The following ZC3H3 variants were observed in gnomAD, a reference collection of about 807,000 sequenced individuals.
The protein encoded by ZC3H3 is zinc finger CCCH domain-containing protein 3.
A neutral mutation model predicts 77.3 loss-of-function variants in ZC3H3; 36 were observed. The ratio of observed to expected loss-of-function variants is 0.47; its 90% CI spans 0.36 to 0.61. The LOEUF (loss-of-function observed/expected upper bound fraction) is 0.61, where lower values mean the gene tolerates loss of function less well. ZC3H3 is among the 20% of genes least tolerant of loss of function. ZC3H3 has a pLI of 0.00. For missense variants in ZC3H3, 1,331 were observed against 1,312.2 expected, an observed-to-expected ratio of 1.01 and a Z score of -0.22; for synonymous variants, 626 against 555.2, an observed-to-expected ratio of 1.13 and a Z score of -1.79.
At chr8:143,475,298 C>T in intron 5 of ZC3H3, 100 bp downstream of exon 5, 1 of 1,385,110 alleles carries the variant, frequency 7.2e-7, no homozygotes, top group Non-Finnish European at 9.6e-7. Flanking sequence ...AGGCCCAGAG[C>T]AGCCACAGCA....
intron 11 of ZC3H3, among the ~76,000 whole-genome samples, chr8:143,438,583 C>T (rs1819644196): frequency 1.3e-5 from 2 of 152,098 alleles, no homozygotes; most frequent in South Asian, 2.1e-4. Flanking sequence ...CAGGGTGAGG[C>T]GGGCAGGGCC....
intron 3 of ZC3H3, among the ~76,000 whole-genome samples, chr8:143,528,581 T>C (rs928157264): frequency 2.4e-4 from 37 of 152,182 alleles, no homozygotes; most frequent in African/African-American, 8.9e-4. Context: ...CTGGTGGCAC[T>C]CTGCCCACTT....
At chr8:143,439,187 A>G (rs1302517271) in intron 11 of ZC3H3, among the ~76,000 whole-genome samples, 1 of 150,230 alleles carries the variant, frequency 6.7e-6, no homozygotes, top group African/African-American at 2.5e-5. Context: ...AGATGGAGGG[A>G]GCGGGTGCCC....
At chr8:143,509,948 C>T (rs1360795112) in intron 3 of ZC3H3, among the ~76,000 whole-genome samples, 1 of 152,210 alleles carries the variant, frequency 6.6e-6, no homozygotes, top group Non-Finnish European at 1.5e-5. Flanking sequence ...CATGCCAAGT[C>T]CTCTAGGAAT....
rs556335603 is a variant in ZC3H3 at position 143,500,093 on chromosome 8, C to A, written c.1715+7653G>T. 4.0e-4 allele frequency among the ~76,000 whole-genome samples: 61 copies of A among 152,362 alleles called. 1 individual carries two copies. Among genetic ancestry groups the A allele is most frequent in the South Asian group, 1.4e-3 (7 of 4,834 alleles). ...GTATGGCCATGCTGGCCTCTCAACC[C>A]CCCACAGGCCCCTGCCCTCAAAGGG... On this transcript the variant is annotated intron_variant, in intron 4 of 11. Transcript: ENST00000262577.
intron 8 of ZC3H3, 121 bp downstream of exon 8, chr8:143,468,088 A>T: frequency 8.1e-7 from 1 of 1,233,708 alleles, no homozygotes; most frequent in Non-Finnish European, 1.1e-6. Flanking sequence ...TAAGGACGCC[A>T]GGGCAGGGAT....
intron 5 of ZC3H3, among the ~76,000 whole-genome samples, chr8:143,472,937 C>G (rs1215372386): frequency 3.3e-5 from 5 of 152,216 alleles, no homozygotes. Flanking sequence ...GGGATGGGCT[C>G]TGGCTCTGGA....
chr8:143,510,158 A>C (rs1332579501), intron 3 of ZC3H3, among the ~76,000 whole-genome samples: 1 of 152,212 alleles, frequency 6.6e-6, no homozygotes, highest in Non-Finnish European at 1.5e-5. Context: ...CCTGAAAACC[A>C]CACGGTAATA....
intron 9 of ZC3H3, among the ~76,000 whole-genome samples, chr8:143,456,791 T>G (rs1275054969): frequency 6.6e-6 from 1 of 152,112 alleles, no homozygotes; most frequent in Non-Finnish European, 1.5e-5. Flanking sequence ...TCGCTGGAGC[T>G]CAGGAGTTTG....
At chr8:143,461,396 G>A (rs1294068128) in intron 9 of ZC3H3, among the ~76,000 whole-genome samples, 1 of 152,148 alleles carries the variant, frequency 6.6e-6, no homozygotes, top group Non-Finnish European at 1.5e-5. Flanking sequence ...CTTGCTCGCT[G>A]CCGGCAGGAG....
intron 5 of ZC3H3, among the ~76,000 whole-genome samples, chr8:143,473,849 G>A (rs1487987067): frequency 6.6e-6 from 1 of 152,206 alleles, no homozygotes; most frequent in Non-Finnish European, 1.5e-5. Context: ...CCTGGGACCT[G>A]CTGTGCCAGA....
intron 9 of ZC3H3, among the ~76,000 whole-genome samples, chr8:143,465,179 G>GC (rs1433744607): frequency 6.6e-6 from 1 of 152,110 alleles, no homozygotes; most frequent in Non-Finnish European, 1.5e-5. Flanking sequence ...CAGCAGTGGT[G>GC]CCCCGCAATG....
chr8:143,442,407 G>A (rs1242678174), intron 9 of ZC3H3, among the ~76,000 whole-genome samples: 2 of 119,976 alleles, frequency 1.7e-5, no homozygotes, highest in African/African-American at 3.1e-5. Context: ...GGCCGGGGGG[G>A]GTGGGGGGGC....
At chr8:143,505,683 C>A (rs1655173626) in intron 4 of ZC3H3, among the ~76,000 whole-genome samples, 1 of 152,222 alleles carries the variant, frequency 6.6e-6, no homozygotes. Context: ...GGGCCCCTCA[C>A]ACACCCCCTC....
intron 5 of ZC3H3, among the ~76,000 whole-genome samples, chr8:143,472,633 T>G (rs1444628889): frequency 1.3e-5 from 2 of 152,134 alleles, no homozygotes; most frequent in East Asian, 3.9e-4. Context: ...CTGTGGACAC[T>G]GAGGGATGGG....
At chr8:143,470,506 G>A (rs562303226) in intron 5 of ZC3H3, among the ~76,000 whole-genome samples, 14 of 152,320 alleles carry the variant, frequency 9.2e-5, no homozygotes, top group African/African-American at 2.6e-4. Flanking sequence ...CAGACGGCAC[G>A]GGCACGCCCT....
At chr8:143,507,313 C>T (rs556841950) in intron 4 of ZC3H3, among the ~76,000 whole-genome samples, 4 of 152,364 alleles carry the variant, frequency 2.6e-5, no homozygotes, top group South Asian at 2.1e-4. Flanking sequence ...CTCACATCAC[C>T]GCCTTGACAA....
chr8:143,468,540 G>C lies in ZC3H3; in HGVS notation c.1947C>G (p.Ser649Arg). ...TGGCCAGGCTGCGCTGCACTGCCCG[G>C]CTGCAGACGGGGAGAGAGGTGCGTG... ...PAGSCSRSLA[S>R]RAVQRSLAII... is the part of the protein sequence containing the mutation. The change falls in exon 7 of 12, where the codon AGC (serine) becomes AGG (arginine). Residue 649 changes from serine (S) to arginine (R), a missense_variant and splice_region_variant. By Grantham distance (110) the Ser-to-Arg change is moderately radical (BLOSUM62 -1). Around this residue, in one of 3 missense-constraint regions of ZC3H3, gnomAD observed 978 missense variants for 915.5 expected, o/e 1.07. Transcript: ENST00000262577. The C allele has an allele frequency of 6.2e-7, 1 of 1,606,708 alleles. No individual in the cohort carries two copies. The highest frequency in any genetic ancestry group is 8.5e-7 in the Non-Finnish European group (1 of 1,177,218).
intron 9 of ZC3H3, among the ~76,000 whole-genome samples, chr8:143,456,139 A>G (rs1056340597): frequency 6.6e-6 from 1 of 152,122 alleles, no homozygotes. Flanking sequence ...AGAAGGGAAG[A>G]CTACTGAATA....
Sources: gnomAD v4.1 joint callset for allele counts (sites outside exome capture counted in the v4.1 genomes callset) on GRCh38, gnomAD v4.1.1 for gene constraint, gnomAD v4.1.1 regional missense constraint, MANE v1.5 for transcripts, NCBI Gene and HGNC (gene_info 2026-07-23, HGNC 2026-07-21) for gene names.